The following GABRA3 variants were observed in gnomAD, a reference collection of about 807,000 sequenced individuals.
The protein encoded by GABRA3 is gamma-aminobutyric acid receptor subunit alpha-3.
Under a neutral mutation model 30.1 loss-of-function variants are expected in GABRA3, and 10 were observed. The observed-to-expected ratio is 0.33, with a 90% confidence interval of 0.20 to 0.56. GABRA3 has a LOEUF of 0.56. Ranked by LOEUF, GABRA3 falls within the 20% of genes least tolerant of loss-of-function variation. The probability of loss-of-function intolerance (pLI) is 0.89; values close to 1 mark genes in which losing one functional copy is unlikely to be tolerated. For missense variants in GABRA3, 233 were observed against 392.0 expected, an observed-to-expected ratio of 0.59 and a Z score of 3.42; for synonymous variants, 151 against 146.8, an observed-to-expected ratio of 1.03 and a Z score of -0.21.
intron 9 of GABRA3, among the ~76,000 whole-genome samples, chrX:152,184,543 C>T (rs1231040653): frequency 9.0e-6 from 1 of 111,524 alleles, no homozygotes; most frequent in East Asian, 2.8e-4. Context: ...TGGCTAGAGA[C>T]ATTTCACATA....
At chrX:152,200,512 T>C (rs1937469440) in intron 7 of GABRA3, among the ~76,000 whole-genome samples, 1 of 111,514 alleles carries the variant, frequency 9.0e-6, no homozygotes, top group South Asian at 3.8e-4. Flanking sequence ...TTTCAATTCT[T>C]TTCTTTCTTT....
At chrX:152,193,534 C>T (rs945120541) in intron 8 of GABRA3, among the ~76,000 whole-genome samples, 1 of 111,968 alleles carries the variant, frequency 8.9e-6, no homozygotes, top group Admixed American at 9.5e-5. Context: ...TTTCATTTCT[C>T]TTGGTTAATA....
At chrX:152,269,547 A>G (rs1383066003) in intron 4 of GABRA3, among the ~76,000 whole-genome samples, 1 of 112,484 alleles carries the variant, frequency 8.9e-6, no homozygotes, top group African/African-American at 3.2e-5. Flanking sequence ...CTGAGCAAAA[A>G]GAACAAAGCC....
intron 9 of GABRA3, 70 bp from the exon 10 acceptor site, chrX:152,168,633 A>G (rs886510768): frequency 8.5e-5 from 72 of 849,478 alleles, no homozygotes; most frequent in Non-Finnish European, 1.4e-5. Context: ...TACACAGAGA[A>G]CCTTCAGAGG....
intron 2 of GABRA3, among the ~76,000 whole-genome samples, chrX:152,351,083 T>C (rs183665485): frequency 1.9e-3 from 212 of 112,093 alleles, no homozygotes; most frequent in Non-Finnish European, 2.9e-3. Context: ...TTACAGAGCA[T>C]AGAGAGAGTG....
chrX:152,168,654 G>A, intron 9 of GABRA3, 91 bp from the exon 10 acceptor site: 1 of 665,643 alleles, frequency 1.5e-6, no homozygotes, highest in Non-Finnish European at 2.3e-6. Flanking sequence ...CTGCAGGGAG[G>A]AGGAGCCATG....
chrX:152,378,458 T>G (rs1244195299), intron 1 of GABRA3, among the ~76,000 whole-genome samples: 1 of 111,796 alleles, frequency 8.9e-6, no homozygotes, highest in Non-Finnish European at 1.9e-5. Context: ...AAGTAAAATG[T>G]GTGTATTACT....
intron 5 of GABRA3, among the ~76,000 whole-genome samples, chrX:152,241,548 CG>C (rs1212277669): frequency 1.8e-5 from 2 of 108,180 alleles, no homozygotes; most frequent in African/African-American, 6.6e-5. Context: ...TCGAGCTTCC[CG>C]GCTGCTTTGT....
At chrX:152,316,463 A>G (rs1266295438) in intron 3 of GABRA3, among the ~76,000 whole-genome samples, 1 of 111,874 alleles carries the variant, frequency 8.9e-6, no homozygotes, top group Non-Finnish European at 1.9e-5. Flanking sequence ...AAACTTCCCC[A>G]GCCTTGCTAG....
Position 152,324,300 on chromosome X carries a change from G to A in GABRA3, c.262+21281C>T, listed in dbSNP as rs189815955. Among the ~76,000 whole-genome samples the A allele has an allele frequency of 2.7e-3, 308 of 112,384 alleles. 1 individual carries two copies. Among genetic ancestry groups the A allele is most frequent in the Middle Eastern group, 0.014 (3 of 217 alleles). ...CAATCAGCAGTAAAATTCTGGGTCA[G>A]ACTGGTAAACAAAAATACGTAAGCT... On this transcript the variant is annotated intron_variant, in intron 3 of 9. Transcript: ENST00000370314.
intron 1 of GABRA3, among the ~76,000 whole-genome samples, chrX:152,412,231 T>C (rs947111808): frequency 3.6e-5 from 4 of 111,899 alleles, no homozygotes; most frequent in Admixed American, 9.5e-5. Flanking sequence ...AGAATGCAAA[T>C]TGGCTCAGCT....
In GABRA3 at chrX:152,189,831, AG is replaced by A; in HGVS notation, c.1041del (p.Phe348LeufsTer6). ...AMDWFIAVCY[A>X]FVFSALIEFA... is the part of the protein sequence containing the mutation. ...AATTCAATCAGTGCAGAAAATACAA[AG>A]GCATAACAGACGGCTATGAACCAGT... On this transcript the variant is annotated frameshift_variant, in exon 9 of 10. Coordinates refer to ENST00000370314, the MANE Select transcript of GABRA3 (RefSeq NM_000808.4). LOFTEE classifies it high-confidence loss of function. 8.3e-7 allele frequency: 1 copy of A among 1,208,619 alleles called. No individual in the cohort carries two copies. Among genetic ancestry groups the A allele is most frequent in the Non-Finnish European group, 1.1e-6 (1 of 893,113 alleles).
chrX:152,198,541 C>T (rs1937418929), intron 7 of GABRA3, among the ~76,000 whole-genome samples: 1 of 112,070 alleles, frequency 8.9e-6, no homozygotes, highest in Admixed American at 9.5e-5. Context: ...TCAATTCTCC[C>T]TCTTACTGGA....
chrX:152,275,469 A>ATATATTTATATATTTATTTT (rs1307337415), intron 4 of GABRA3, among the ~76,000 whole-genome samples: 1 of 106,659 alleles, frequency 9.4e-6, no homozygotes, highest in Admixed American at 1.1e-4. Context: ...AATATCAAAT[A>ATATATTTATATATTTATTTT]AATAGAGCTG....
chrX:152,340,576 T>C (rs1002708111), intron 3 of GABRA3, among the ~76,000 whole-genome samples: 6 of 111,905 alleles, frequency 5.4e-5, no homozygotes, highest in African/African-American at 1.9e-4. Context: ...TATTTTGCCT[T>C]TTGGGGGGAA....
intron 1 of GABRA3, among the ~76,000 whole-genome samples, chrX:152,376,424 CT>C (rs1247439206): frequency 9.0e-6 from 1 of 111,202 alleles, no homozygotes; most frequent in Non-Finnish European, 1.9e-5. Flanking sequence ...TTTATCCTTA[CT>C]TTTTCTTTTT....
intron 7 of GABRA3, among the ~76,000 whole-genome samples, chrX:152,200,042 G>C (rs182535131): frequency 3.3e-3 from 373 of 111,870 alleles, no homozygotes; most frequent in Non-Finnish European, 5.3e-3. Flanking sequence ...CCTCTTCAAT[G>C]CATTCATAGT....
At chrX:152,328,712 A>G (rs868289268) in intron 3 of GABRA3, among the ~76,000 whole-genome samples, 29 of 111,515 alleles carry the variant, frequency 2.6e-4, no homozygotes, top group Middle Eastern at 9.3e-3. Flanking sequence ...AAATAATAAG[A>G]GCTATTTATG....
At chrX:152,356,856 T>C (rs1940557584) in intron 2 of GABRA3, among the ~76,000 whole-genome samples, 2 of 112,142 alleles carry the variant, frequency 1.8e-5, no homozygotes, top group South Asian at 7.4e-4. Context: ...TGGTTTATTG[T>C]TCCTGTGTTA....
Sources: gnomAD v4.1 joint callset for allele counts (sites outside exome capture counted in the v4.1 genomes callset) on GRCh38, gnomAD v4.1.1 for gene constraint, MANE v1.5 for transcripts, NCBI Gene and HGNC (gene_info 2026-07-23, HGNC 2026-07-21) for gene names.